CNTNAP2: variants seen among roughly 807,000 people sequenced by gnomAD.
The protein encoded by CNTNAP2 is contactin-associated protein-like 2.
In CNTNAP2, 98 loss-of-function variants were observed where a neutral mutation model predicts 155.2. That is an observed-to-expected ratio of 0.63 (90% CI 0.54 to 0.75). The LOEUF (loss-of-function observed/expected upper bound fraction) is 0.75, where lower values mean the gene tolerates loss of function less well. Ranked by LOEUF, CNTNAP2 falls within the 30% of genes least tolerant of loss-of-function variation. The pLI, the probability that CNTNAP2 is intolerant of heterozygous loss-of-function variation, is 0.00. For missense variants in CNTNAP2, 1,727 were observed against 1,688.1 expected (o/e 1.02, Z -0.40); for synonymous variants, 651 against 631.2 (o/e 1.03, Z -0.47).
chr7:148,331,778 G>A (rs74556327), intron 21 of CNTNAP2, among the ~76,000 whole-genome samples: 7 of 138,530 alleles, frequency 5.1e-5, no homozygotes, highest in Non-Finnish European at 8.1e-5. Context: ...TGGATGGAAT[G>A]GACAGATGGA....
chr7:147,083,550 G>A (rs11979660), intron 4 of CNTNAP2, among the ~76,000 whole-genome samples: 2,656 of 112,926 alleles, frequency 0.024, 31 homozygotes, highest in African/African-American at 0.042. Flanking sequence ...ATATATATAT[G>A]TATATATATA....
At chr7:146,867,865 G>T (rs540373313) in intron 3 of CNTNAP2, among the ~76,000 whole-genome samples, 1 of 151,326 alleles carries the variant, frequency 6.6e-6, no homozygotes, top group Admixed American at 6.6e-5. Context: ...CTTTTTAATG[G>T]AGTCGTTTGT....
At chr7:146,555,596 A>G (rs927267350) in intron 1 of CNTNAP2, among the ~76,000 whole-genome samples, 1 of 152,236 alleles carries the variant, frequency 6.6e-6, no homozygotes, top group South Asian at 2.1e-4. Flanking sequence ...CATGAGGGAG[A>G]TTGTAGACTG....
intron 15 of CNTNAP2, among the ~76,000 whole-genome samples, chr7:148,096,278 C>CGTGT (rs1563197995): frequency 9.2e-5 from 11 of 119,170 alleles, no homozygotes; most frequent in African/African-American, 2.5e-4. Context: ...TGCATGCATG[C>CGTGT]ATGTGTGTGT....
intron 12 of CNTNAP2, among the ~76,000 whole-genome samples, chr7:147,635,245 T>C (rs7788405): frequency 0.2 from 29,714 of 150,576 alleles, 3,132 homozygotes; most frequent in Middle Eastern, 0.24. Flanking sequence ...TTTCCGCCAC[T>C]AGAATGGAAG....
intron 10 of CNTNAP2, among the ~76,000 whole-genome samples, chr7:147,424,043 A>G (rs1797339464): frequency 6.6e-6 from 1 of 152,162 alleles, no homozygotes; most frequent in Non-Finnish European, 1.5e-5. Flanking sequence ...GGAAAACCAC[A>G]CACCTATGCT....
At chr7:146,163,563 C>A (rs1331193883) in intron 1 of CNTNAP2, among the ~76,000 whole-genome samples, 1 of 127,574 alleles carries the variant, frequency 7.8e-6, no homozygotes, top group Non-Finnish European at 1.6e-5. Flanking sequence ...ATATCTATAT[C>A]TATCTATATC....
chr7:146,609,515 C>A (rs1799100907), intron 1 of CNTNAP2, among the ~76,000 whole-genome samples: 1 of 152,154 alleles, frequency 6.6e-6, no homozygotes, highest in South Asian at 2.1e-4. Flanking sequence ...AAACATCAGT[C>A]TGTTTGCTGT....
At chr7:148,330,593 C>G (rs111066476) in intron 21 of CNTNAP2, among the ~76,000 whole-genome samples, 17,689 of 117,456 alleles carry the variant, frequency 0.15, 3,067 homozygotes, top group African/African-American at 0.42. Context: ...ATGGAGTGGA[C>G]GGATGAAGTG....
At chr7:148,064,677 TA>T (rs35247645) in intron 15 of CNTNAP2, among the ~76,000 whole-genome samples, 40,947 of 126,002 alleles carry the variant, frequency 0.32, 6,861 homozygotes, top group East Asian at 0.78. Context: ...TAATAGCTGT[TA>T]AAAAAAAAAA....
intron 13 of CNTNAP2, among the ~76,000 whole-genome samples, chr7:147,662,721 C>T (rs879777377): frequency 1.3e-5 from 2 of 152,130 alleles, no homozygotes; most frequent in Non-Finnish European, 2.9e-5. Context: ...TGGGCTAGTA[C>T]ACTTATTAAA....
chr7:146,846,734 G>A (rs1361477211), intron 3 of CNTNAP2, among the ~76,000 whole-genome samples: 1 of 151,914 alleles, frequency 6.6e-6, no homozygotes, highest in Non-Finnish European at 1.5e-5. Flanking sequence ...TCTAAAATTT[G>A]GAAGATAAAA....
chr7:147,542,626 T>C (rs1307891037), intron 11 of CNTNAP2, among the ~76,000 whole-genome samples: 2 of 152,246 alleles, frequency 1.3e-5, no homozygotes, highest in East Asian at 1.9e-4. Context: ...TGTGACTAGC[T>C]AAGAGCTCTG....
chr7:147,111,085 G>T (rs1210428876), intron 5 of CNTNAP2, among the ~76,000 whole-genome samples: 1 of 152,092 alleles, frequency 6.6e-6, no homozygotes. Flanking sequence ...GTGTGAGATG[G>T]TATCTCATTG....
chr7:148,220,035 C>G (rs1037153880), intron 19 of CNTNAP2, among the ~76,000 whole-genome samples: 1 of 152,194 alleles, frequency 6.6e-6, no homozygotes, highest in Admixed American at 6.5e-5. Context: ...AGTATTTTCC[C>G]CTTCTGAAAT....
intron 3 of CNTNAP2, among the ~76,000 whole-genome samples, chr7:146,867,781 C>CGG (rs57015319): frequency 6.6e-6 from 1 of 150,734 alleles, no homozygotes; most frequent in Non-Finnish European, 1.5e-5. Flanking sequence ...GTGATAGTGA[C>CGG]TTTTTTTTTT....
intron 21 of CNTNAP2, among the ~76,000 whole-genome samples, chr7:148,295,032 A>G (rs1797256441): frequency 6.6e-6 from 1 of 152,178 alleles, no homozygotes; most frequent in African/African-American, 2.4e-5. Context: ...GAGAAATCAC[A>G]ATTTTTGCAA....
chr7:146,186,613 A>C (rs143662512), intron 1 of CNTNAP2, among the ~76,000 whole-genome samples: 1 of 152,128 alleles, frequency 6.6e-6, no homozygotes, highest in East Asian at 1.9e-4. Flanking sequence ...TTTCAAATAG[A>C]CTTTCTGTTG....
chr7:146,744,490 G>T (rs1801777200), intron 1 of CNTNAP2, among the ~76,000 whole-genome samples: 2 of 152,148 alleles, frequency 1.3e-5, no homozygotes, highest in African/African-American at 4.8e-5. Context: ...TATTTGCCAA[G>T]TAGTTATTAT....
Sources: gnomAD v4.1 joint callset for allele counts (sites outside exome capture counted in the v4.1 genomes callset) on GRCh38, gnomAD v4.1.1 for gene constraint, MANE v1.5 for transcripts, NCBI Gene and HGNC (gene_info 2026-07-23, HGNC 2026-07-21) for gene names.